Variants in SEMA6A observed in about 807,000 individuals in gnomAD.
The protein encoded by SEMA6A is semaphorin-6A.
In SEMA6A, 25 loss-of-function variants were observed where a neutral mutation model predicts 96.8. The ratio of observed to expected loss-of-function variants is 0.26; its 90% CI spans 0.19 to 0.36. The LOEUF (loss-of-function observed/expected upper bound fraction) is 0.36. Ranked by LOEUF, SEMA6A falls within the 10% of genes least tolerant of loss-of-function variation. The probability of loss-of-function intolerance (pLI) is 1.00; values close to 1 mark genes in which losing one functional copy is unlikely to be tolerated. For missense variants in SEMA6A, 1,363 were observed against 1,323.1 expected, an observed-to-expected ratio of 1.03 and a Z score of -0.47; for synonymous variants, 612 against 518.0, an observed-to-expected ratio of 1.18 and a Z score of -2.46.
chr5:116,573,346 G>A (rs755564659), intron 1 of SEMA6A, among the ~76,000 whole-genome samples: 1 of 152,040 alleles, frequency 6.6e-6, no homozygotes, highest in African/African-American at 2.4e-5. Context: ...GATCTGGGAG[G>A]AGGGCGTACC....
chr5:116,492,227 G>T, intron 6 of SEMA6A: 1 of 183,370 alleles, frequency 5.5e-6, no homozygotes, highest in Admixed American at 5.9e-5. Context: ...ATCCTAAGCT[G>T]TGCACGCTCT....
At chr5:116,464,575 A>C (rs775773429) in intron 18 of SEMA6A, among the ~76,000 whole-genome samples, 30 of 152,152 alleles carry the variant, frequency 2.0e-4, no homozygotes, top group Non-Finnish European at 3.1e-4. Flanking sequence ...ACGGTGTAGA[A>C]GGAAAGAGCC....
chr5:116,561,727 T>C (rs1347024663), intron 1 of SEMA6A, among the ~76,000 whole-genome samples: 1 of 152,208 alleles, frequency 6.6e-6, no homozygotes, highest in Admixed American at 6.5e-5. Flanking sequence ...GCAATTACAT[T>C]GTCCTTTTAA....
At chr5:116,517,234 T>G (rs1198105804) in intron 1 of SEMA6A, among the ~76,000 whole-genome samples, 1 of 152,030 alleles carries the variant, frequency 6.6e-6, no homozygotes, top group Non-Finnish European at 1.5e-5. Context: ...TATTAAAAAT[T>G]GCTCCAGACT....
At position 116,447,315 on chromosome 5, in the gene SEMA6A, A is replaced by G; in HGVS notation, c.2391T>C (p.Pro797=). The G allele has an allele frequency of 6.2e-7, 1 of 1,613,752 alleles. No individual in the cohort carries two copies. Among genetic ancestry groups the G allele is most frequent in the African/African-American group, 1.3e-5 (1 of 75,074 alleles). ...GCAGGGGCAGGTCCGTGGGAATCAC[A>G]GGGGAGCCCATGGGGGGCATGTCCT... ...CTKDMPPMGS[P]VIPTDLPLRA... Residue 797 remains proline (P), a synonymous_variant, in exon 19 of 19, where the codon CCT becomes CCC. Coordinates refer to ENST00000343348, the MANE Select transcript of SEMA6A (RefSeq NM_020796.5).
rs745394743 is a variant in SEMA6A at position 116,467,649 on chromosome 5, G to C, written c.1828C>G (p.Leu610Val). ...RGGMLDWKHL[L>V]DSPDSTDPLG... ...GGGTCTGTGCTGTCAGGTGAGTCAA[G>C]CAGATGCTTCCAGTCCAGCATTCCT... The change falls in exon 18 of 19, where the codon CTT becomes GTT. Residue 610 changes from leucine (L) to valine (V), a missense_variant. By Grantham distance (32) the Leu-to-Val change is conservative (BLOSUM62 1). Coordinates refer to ENST00000343348, the MANE Select transcript of SEMA6A (RefSeq NM_020796.5). 3 of 1,613,650 alleles carry C rather than the reference G, an allele frequency of 1.9e-6. No homozygotes were observed. Among genetic ancestry groups the C allele is most frequent in the South Asian group, 1.1e-5 (1 of 91,044 alleles).
chr5:116,455,797 T>C (rs1754973407), intron 18 of SEMA6A, among the ~76,000 whole-genome samples: 1 of 152,156 alleles, frequency 6.6e-6, no homozygotes, highest in Admixed American at 6.5e-5. Context: ...AACATACACT[T>C]TGAGCTCATA....
intron 1 of SEMA6A, among the ~76,000 whole-genome samples, chr5:116,534,015 C>T (rs910401052): frequency 6.6e-6 from 1 of 152,236 alleles, no homozygotes; most frequent in South Asian, 2.1e-4. Context: ...TTTCTCTCCA[C>T]CTTTTCTTCC....
At chr5:116,530,777 C>T (rs1210668791) in intron 1 of SEMA6A, among the ~76,000 whole-genome samples, 1 of 151,970 alleles carries the variant, frequency 6.6e-6, no homozygotes, top group Non-Finnish European at 1.5e-5. Flanking sequence ...AATCAGTGAC[C>T]AAAAATACAT....
At chr5:116,551,318 ACAC>A (rs1760399054) in intron 1 of SEMA6A, among the ~76,000 whole-genome samples, 1 of 6,664 alleles carries the variant, frequency 1.5e-4, no homozygotes, top group Non-Finnish European at 8.4e-4. Flanking sequence ...GTCTTAGCAT[ACAC>A]ACACACACAC....
intron 6 of SEMA6A, among the ~76,000 whole-genome samples, 168 bp downstream of exon 6, chr5:116,495,245 C>A (rs1160286281): frequency 6.6e-6 from 1 of 152,190 alleles, no homozygotes; most frequent in African/African-American, 2.4e-5. Flanking sequence ...AAACAGGAAG[C>A]TTAGAAGCCT....
chr5:116,505,004 A>AT (rs1758076008), intron 1 of SEMA6A, 22 bp from the exon 2 acceptor site: 3 of 1,218,624 alleles, frequency 2.5e-6, no homozygotes, highest in South Asian at 1.3e-5. Context: ...TAAAGAACAG[A>AT]TTTTTTTCCA....
intron 1 of SEMA6A, among the ~76,000 whole-genome samples, chr5:116,556,153 T>G (rs1760597273): frequency 6.6e-6 from 1 of 152,210 alleles, no homozygotes; most frequent in African/African-American, 2.4e-5. Flanking sequence ...TCCTAATGCC[T>G]TATTTAATAT....
At chr5:116,519,862 C>G (rs866131423) in intron 1 of SEMA6A, among the ~76,000 whole-genome samples, 1 of 152,194 alleles carries the variant, frequency 6.6e-6, no homozygotes, top group South Asian at 2.1e-4. Context: ...AACCTCAGCT[C>G]CTGCCTCATG....
Position 116,486,876 on chromosome 5 carries a change from C to A in SEMA6A, c.835G>T (p.Ala279Ser). The part of the protein sequence containing the change: ...LEKQWTSFLK[A>S]RLNCSVPGDS... ...CCAGGAACTGAGCAGTTCAAGCGCG[C>A]CTTCAGGAACGACGTCCACTGTTTC... Residue 279 changes from alanine to serine, a missense_variant, in exon 10 of 19, where the codon GCG (alanine) becomes TCG (serine). Transcript: ENST00000343348. 2 of 1,613,820 alleles carry A rather than the reference C, an allele frequency of 1.2e-6. No individual in the cohort carries two copies. Among genetic ancestry groups the A allele is most frequent in the South Asian group, 1.1e-5 (1 of 91,084 alleles).
chr5:116,488,230 G>A lies in SEMA6A; in HGVS notation c.656-34C>T, dbSNP rs543206250. 5.6e-5 allele frequency: 76 copies of A among 1,345,418 alleles called. 1 individual carries two copies. Among genetic ancestry groups the A allele is most frequent in the Middle Eastern group, 1.8e-4 (1 of 5,544 alleles). The allele number at this position is 1,345,418 out of a possible 1,614,324, so 83.3% of individuals were successfully genotyped here. A position where few individuals can be genotyped will look rare whatever the true frequency, so the allele number is the denominator to read the frequency against. ...AAACAGGCACTTTAATTGGGAACAT[G>A]TCAAACAGAGTTAACAGAATTTCAA... On this transcript the variant is annotated intron_variant, in intron 8 of 18. Transcript: ENST00000343348.
chr5:116,447,869 T>C (rs1754351757), intron 18 of SEMA6A, 58 bp from the exon 19 acceptor site: 2 of 1,373,922 alleles, frequency 1.5e-6, no homozygotes, highest in African/African-American at 1.5e-5. Context: ...AGGCTTGTTT[T>C]TGCTTGGCAT....
In SEMA6A at chr5:116,496,864, T is replaced by A. The variant is rs147438108; in HGVS notation, c.279+463A>T. 6.4e-3 allele frequency among the ~76,000 whole-genome samples: 972 copies of A among 152,282 alleles called. 12 individuals are homozygous for A. The highest frequency in any genetic ancestry group is 0.023 in the African/African-American group (940 of 41,566). On this transcript the variant is annotated intron_variant, in intron 4 of 18. Transcript: ENST00000343348. ...TTTTATTAACTAAAATATCCCCATG[T>A]GGAGTTATGAGGAAAGCTTAGGTTA... is the stretch of plus-strand genomic sequence containing the variant.
rs778255429 is a variant in SEMA6A, at chr5:116,478,621, A to C, written c.1348T>G (p.Phe450Val). 6.2e-7 allele frequency: 1 copy of C among 1,613,488 alleles called. No individual in the cohort carries two copies. The highest frequency in any genetic ancestry group is 8.5e-7 in the Non-Finnish European group (1 of 1,179,802). ...LGSEKGIILK[F>V]LARIGNSGFL... ...CCACTATTTCCTATTCTGGCCAAAA[A>C]CTTCAAGATGATTCCCTTCTCTGAT... The change falls in exon 13 of 19, where the codon TTT becomes GTT. Residue 450 changes from phenylalanine (F) to valine (V), a missense_variant. This residue lies in a region of SEMA6A where 883 missense variants were observed against 763.6 expected (regional missense o/e 1.16). Transcript: ENST00000343348.
Sources: gnomAD v4.1 joint callset for allele counts (sites outside exome capture counted in the v4.1 genomes callset) on GRCh38, gnomAD v4.1.1 for gene constraint, gnomAD v4.1.1 regional missense constraint, MANE v1.5 for transcripts, NCBI Gene and HGNC (gene_info 2026-07-23, HGNC 2026-07-21) for gene names.